GRM8: variants seen among roughly 807,000 people sequenced by gnomAD.
GRM8 encodes the protein metabotropic glutamate receptor 8.
Under a neutral mutation model 87.2 loss-of-function variants are expected in GRM8, and 47 were observed. The observed-to-expected ratio is 0.54, with a 90% CI of 0.43 to 0.69. The LOEUF (loss-of-function observed/expected upper bound fraction) is 0.69. Ranked by LOEUF, GRM8 falls within the 30% of genes least tolerant of loss-of-function variation. The pLI is 0.00. For missense variants in GRM8, 1,019 were observed against 1,139.2 expected, an observed-to-expected ratio of 0.89 and a Z score of 1.52; for synonymous variants, 396 against 404.5, an observed-to-expected ratio of 0.98 and a Z score of 0.25.
chr7:126,600,951 T>C (rs1797684597), intron 8 of GRM8, among the ~76,000 whole-genome samples: 1 of 152,080 alleles, frequency 6.6e-6, no homozygotes, highest in Non-Finnish European at 1.5e-5. Flanking sequence ...TTTATTATAC[T>C]TTAAGTTTTA....
chr7:126,685,993 C>G lies in GRM8; in HGVS notation c.1358-76495G>C, dbSNP rs139453727. Among the ~76,000 whole-genome samples the G allele has an allele frequency of 0.028, 4,322 of 151,726 alleles. 97 individuals are homozygous for G. Among genetic ancestry groups the G allele is most frequent in the Non-Finnish European group, 0.042 (2,886 of 67,908 alleles). On this transcript the variant is annotated intron_variant, in intron 7 of 10. Coordinates refer to ENST00000339582, the MANE Select transcript of GRM8 (RefSeq NM_000845.3). The surrounding 1 kb of genome is among the most constrained non-coding windows in gnomAD (Gnocchi z 4.2). Reference sequence around the variant, plus strand: ...TCCCCTCTGAGGCCCATAAAAACCCCCAGACTCAGCCAGACTCAAGCAGAG... The same window carrying G: ...TCCCCTCTGAGGCCCATAAAAACCCGCAGACTCAGCCAGACTCAAGCAGAG...
At chr7:127,184,878 C>T (rs1020993683) in intron 2 of GRM8, among the ~76,000 whole-genome samples, 6 of 151,876 alleles carry the variant, frequency 4.0e-5, no homozygotes, top group South Asian at 4.1e-4. Flanking sequence ...AATACATTTG[C>T]AATGGCACCC....
chr7:126,535,768 C>T (rs766354932), intron 8 of GRM8, among the ~76,000 whole-genome samples: 8 of 152,126 alleles, frequency 5.3e-5, no homozygotes, highest in Admixed American at 2.0e-4. Flanking sequence ...ACCTCCAGAG[C>T]CAAGTCCCTC....
At chr7:126,920,280 T>A (rs1342393316) in intron 3 of GRM8, among the ~76,000 whole-genome samples, 1 of 152,118 alleles carries the variant, frequency 6.6e-6, no homozygotes, top group East Asian at 1.9e-4. Context: ...TAAATAAATG[T>A]CTCTTGTTTA....
chr7:127,020,764 T>A (rs899938978), intron 3 of GRM8, among the ~76,000 whole-genome samples: 1 of 152,116 alleles, frequency 6.6e-6, no homozygotes, highest in African/African-American at 2.4e-5. Context: ...TTATTCAGAT[T>A]ACATTTCGTT....
intron 3 of GRM8, among the ~76,000 whole-genome samples, chr7:126,949,558 G>A (rs566960556): frequency 7.0e-4 from 107 of 152,240 alleles, no homozygotes; most frequent in African/African-American, 2.5e-3. Flanking sequence ...CTCTGTCCTC[G>A]AATATCTCCA....
chr7:127,085,120 C>T (rs1343140960), intron 3 of GRM8, among the ~76,000 whole-genome samples: 1 of 152,202 alleles, frequency 6.6e-6, no homozygotes, highest in South Asian at 2.1e-4. Context: ...GCTTCATCCA[C>T]GTCCCTGCAA....
chr7:127,096,822 T>C (rs913650261), intron 3 of GRM8, among the ~76,000 whole-genome samples: 2 of 152,182 alleles, frequency 1.3e-5, no homozygotes, highest in Non-Finnish European at 2.9e-5. Flanking sequence ...CTACAGATTA[T>C]AGGTTTTGGT....
chr7:126,586,799 G>A (rs1170765955), intron 8 of GRM8, among the ~76,000 whole-genome samples: 2 of 152,096 alleles, frequency 1.3e-5, no homozygotes, highest in African/African-American at 4.8e-5. Context: ...AACACCAAAA[G>A]CAATGGCAAC....
At chr7:126,663,639 T>C (rs969846282) in intron 7 of GRM8, among the ~76,000 whole-genome samples, 3 of 152,030 alleles carry the variant, frequency 2.0e-5, no homozygotes, top group African/African-American at 7.2e-5. Context: ...AAAGAACATA[T>C]CTCAAAATAA....
intron 3 of GRM8, among the ~76,000 whole-genome samples, chr7:126,924,631 C>T (rs1804896218): frequency 6.6e-6 from 1 of 151,766 alleles, no homozygotes; most frequent in African/African-American, 2.4e-5. Flanking sequence ...TCCTTCTTTC[C>T]TCCCTTCCTT....
intron 7 of GRM8, among the ~76,000 whole-genome samples, chr7:126,663,432 A>C (rs1409348148): frequency 6.6e-6 from 1 of 152,236 alleles, no homozygotes; most frequent in Non-Finnish European, 1.5e-5. Context: ...CACATCAAAA[A>C]GTTAATTCAC....
intron 6 of GRM8, among the ~76,000 whole-genome samples, chr7:126,794,102 A>ATC (rs1821677366): frequency 6.6e-6 from 1 of 152,162 alleles, no homozygotes; most frequent in Non-Finnish European, 1.5e-5. Context: ...CAGAAATCAC[A>ATC]AAAACAAAGA....
intron 3 of GRM8, among the ~76,000 whole-genome samples, chr7:127,077,660 C>A (rs1822424879): frequency 6.6e-6 from 1 of 152,230 alleles, no homozygotes; most frequent in South Asian, 2.1e-4. Context: ...CCACTTCGAA[C>A]TGACCAGTAG....
At chr7:126,546,512 A>G (rs1817179266) in intron 8 of GRM8, among the ~76,000 whole-genome samples, 1 of 152,206 alleles carries the variant, frequency 6.6e-6, no homozygotes, top group South Asian at 2.1e-4. Context: ...TGAAGGGAAT[A>G]TGGCCCTAGT....
chr7:126,838,920 T>A (rs759067502), intron 6 of GRM8, among the ~76,000 whole-genome samples: 2 of 152,192 alleles, frequency 1.3e-5, no homozygotes, highest in Non-Finnish European at 2.9e-5. Flanking sequence ...GCTTTGCCCA[T>A]CGGGGAAAGC....
intron 3 of GRM8, among the ~76,000 whole-genome samples, chr7:126,950,493 TTC>T (rs536467034): frequency 1.3e-5 from 2 of 151,816 alleles, no homozygotes; most frequent in Admixed American, 6.6e-5. Context: ...TTTTATCTAT[TTC>T]TCTCTCTCTC....
intron 3 of GRM8, among the ~76,000 whole-genome samples, chr7:126,983,952 G>A (rs1811791909): frequency 6.6e-6 from 1 of 152,144 alleles, no homozygotes; most frequent in East Asian, 1.9e-4. Flanking sequence ...TAATTGTCAT[G>A]AGTATTTCCT....
At chr7:126,821,080 C>T (rs1346065666) in intron 6 of GRM8, among the ~76,000 whole-genome samples, 4 of 152,132 alleles carry the variant, frequency 2.6e-5, no homozygotes, top group African/African-American at 7.2e-5. Context: ...TCAGCCTGGG[C>T]GACGGAGCAA....
Sources: allele counts gnomAD v4.1 joint callset (sites outside exome capture counted in the v4.1 genomes callset), GRCh38; gene constraint gnomAD v4.1.1; non-coding constraint Gnocchi (gnomAD v3.1); transcripts MANE v1.5; gene names NCBI Gene and HGNC (gene_info 2026-07-23, HGNC 2026-07-21).